The following DOCK5 variants were observed in gnomAD, a reference collection of about 807,000 sequenced individuals.
DOCK5 encodes dedicator of cytokinesis 5.
A neutral mutation model predicts 251.8 loss-of-function variants in DOCK5; 142 were observed. The observed-to-expected ratio is 0.56, with a 90% CI of 0.49 to 0.65. The LOEUF is 0.65. Ranked by LOEUF, DOCK5 falls within the 30% of genes least tolerant of loss-of-function variation. The probability of loss-of-function intolerance (pLI) is 0.00; values close to 1 mark genes in which losing one functional copy is unlikely to be tolerated. For missense variants in DOCK5, 2,111 were observed against 2,312.3 expected (o/e 0.91, Z 1.79); for synonymous variants, 842 against 835.5 (o/e 1.01, Z -0.13).
At chr8:25,345,810 GATTTTCCT>G (rs1453454274) in intron 26 of DOCK5, among the ~76,000 whole-genome samples, 199 bp downstream of exon 26, 3 of 152,112 alleles carry the variant, frequency 2.0e-5, no homozygotes, top group Non-Finnish European at 4.4e-5. Flanking sequence ...TCTGCAGGCT[GATTTTCCT>G]GGCTTGCCCA....
intron 3 of DOCK5, among the ~76,000 whole-genome samples, chr8:25,269,840 A>G (rs997255716): frequency 6.6e-6 from 1 of 152,248 alleles, no homozygotes; most frequent in Non-Finnish European, 1.5e-5. Flanking sequence ...TTATCAAAAG[A>G]GGAGTGAAAA....
chr8:25,356,089 A>G (rs1179804257), intron 27 of DOCK5, among the ~76,000 whole-genome samples: 1 of 151,152 alleles, frequency 6.6e-6, no homozygotes, highest in Non-Finnish European at 1.5e-5. Context: ...AGTCCGAGCT[A>G]TTGGGAGGCT....
chr8:25,399,794 G>T, intron 45 of DOCK5, 117 bp from the exon 46 acceptor site: 1 of 702,446 alleles, frequency 1.4e-6, no homozygotes, highest in Non-Finnish European at 2.5e-6. Context: ...GGAAAGGGAT[G>T]CATTTTTAGT....
At chr8:25,247,572 G>T (rs1251003647) in intron 2 of DOCK5, among the ~76,000 whole-genome samples, 1 of 152,084 alleles carries the variant, frequency 6.6e-6, no homozygotes, top group Non-Finnish European at 1.5e-5. Flanking sequence ...TCCAGCCTGG[G>T]CAACAGAGTG....
At chr8:25,298,892 A>G (rs1804684366) in intron 7 of DOCK5, 52 bp from the exon 8 acceptor site, 4 of 1,546,562 alleles carry the variant, frequency 2.6e-6, no homozygotes, top group Admixed American at 2.0e-5. Context: ...TTTTGCCAAC[A>G]TTTCCCATTT....
chr8:25,346,563 C>CTCCA (rs1186861823), intron 26 of DOCK5, among the ~76,000 whole-genome samples: 3 of 144,340 alleles, frequency 2.1e-5, no homozygotes, highest in Non-Finnish European at 3.0e-5. Context: ...TGGTGGCTCA[C>CTCCA]GCCTGTAACC....
intron 1 of DOCK5, among the ~76,000 whole-genome samples, chr8:25,240,793 T>A (rs763604995): frequency 1.5e-4 from 23 of 152,218 alleles, no homozygotes; most frequent in Non-Finnish European, 2.5e-4. Context: ...AATTATACAC[T>A]TGATGTCTCA....
At chr8:25,252,773 T>C (rs1362858393) in intron 2 of DOCK5, among the ~76,000 whole-genome samples, 1 of 152,236 alleles carries the variant, frequency 6.6e-6, no homozygotes, top group Non-Finnish European at 1.5e-5. Flanking sequence ...AAAAAGCGAA[T>C]GCCTTCTATT....
intron 30 of DOCK5, among the ~76,000 whole-genome samples, chr8:25,365,458 A>C (rs1800759638): frequency 6.6e-6 from 1 of 152,248 alleles, no homozygotes. Flanking sequence ...GCAATGAAAG[A>C]ATGAAGCAAT....
chr8:25,319,213 C>T (rs187574778), intron 14 of DOCK5, among the ~76,000 whole-genome samples: 11 of 152,220 alleles, frequency 7.2e-5, no homozygotes, highest in East Asian at 1.9e-4. Context: ...CTGCAAATAG[C>T]GGCGCGTCTG....
Position 25,336,321 on chromosome 8 carries a change from G to A in DOCK5, c.2275G>A (p.Ala759Thr), listed in dbSNP as rs1805805188. The change falls in exon 22 of 52, where the codon GCC becomes ACC. Residue 759 changes from alanine (A) to threonine (T), a missense_variant. Physicochemically the swap from Ala to Thr is moderately conservative, Grantham distance 58 (BLOSUM62 0). Transcript: ENST00000276440. The stretch of plus-strand genomic sequence containing the variant: ...TGAACTGCTTTTTGCTGCGTTGAAA[G>A]CCTTGAAGTACTTGTTTAGATTCAT... The part of the protein sequence containing the change: ...KTELLFAALK[A>T]LKYLFRFIIQ... 6.2e-7 allele frequency: 1 copy of A among 1,613,846 alleles called. No homozygotes were observed. Among genetic ancestry groups the A allele is most frequent in the Non-Finnish European group, 8.5e-7 (1 of 1,179,870 alleles).
intron 2 of DOCK5, among the ~76,000 whole-genome samples, chr8:25,258,252 A>C (rs1005967035): frequency 6.6e-6 from 1 of 151,866 alleles, no homozygotes; most frequent in African/African-American, 2.4e-5. Context: ...TGCTTGTCTC[A>C]GAAGGTATTT....
rs146327631 is a variant in DOCK5, at chr8:25,297,874, G to A, written c.607-1070G>A. Among the ~76,000 whole-genome samples, 59 of 151,866 alleles carry A rather than the reference G, an allele frequency of 3.9e-4. 1 individual carries two copies. The East Asian group carries it at 0.011, about 29-fold the overall frequency. ...CCAACTGGGCAAATAGTGACATAGT[G>A]AGACCCCATTTCTACAAAAAATTTT... On this transcript the variant is annotated intron_variant, in intron 7 of 51. Transcript: ENST00000276440.
At chr8:25,317,165 C>T (rs188399908) in intron 14 of DOCK5, 34 bp downstream of exon 14, 35 of 1,605,868 alleles carry the variant, frequency 2.2e-5, no homozygotes, top group East Asian at 6.7e-5. Flanking sequence ...CTGCTACCAT[C>T]GCATCCGTCT....
At chr8:25,263,210 C>T (rs898865883) in intron 2 of DOCK5, among the ~76,000 whole-genome samples, 1 of 118,564 alleles carries the variant, frequency 8.4e-6, no homozygotes, top group Non-Finnish European at 1.7e-5. Context: ...CTCATGGGAC[C>T]GTCTGTCCTC....
At chr8:25,312,432 T>A (rs982820004) in intron 13 of DOCK5, among the ~76,000 whole-genome samples, 24 of 152,184 alleles carry the variant, frequency 1.6e-4, no homozygotes, top group Non-Finnish European at 2.6e-4. Flanking sequence ...ATAGGATTGG[T>A]TCATAGGATG....
intron 38 of DOCK5, 46 bp downstream of exon 38, chr8:25,377,470 C>T (rs372649941): frequency 9.4e-5 from 148 of 1,582,014 alleles, no homozygotes; most frequent in African/African-American, 7.9e-4. Flanking sequence ...GGAAAATGAC[C>T]GCAGTATCGC....
At chr8:25,328,501 A>C (rs1805615016) in intron 18 of DOCK5, among the ~76,000 whole-genome samples, 2 of 152,212 alleles carry the variant, frequency 1.3e-5, no homozygotes, top group South Asian at 4.1e-4. Context: ...AATTTGATTT[A>C]ATAAAAAGCT....
chr8:25,375,224 TCCTA>T (rs1331843349), intron 37 of DOCK5: 2 of 168,826 alleles, frequency 1.2e-5, no homozygotes, highest in East Asian at 3.6e-4. Context: ...CCCCAGCCCA[TCCTA>T]CCTCACTTTG....
Sources: gnomAD v4.1 joint callset for allele counts (sites outside exome capture counted in the v4.1 genomes callset) on GRCh38, gnomAD v4.1.1 for gene constraint, MANE v1.5 for transcripts, NCBI Gene and HGNC (gene_info 2026-07-23, HGNC 2026-07-21) for gene names.